ARHGEF12: variants seen among roughly 807,000 people sequenced by gnomAD.
The protein encoded by ARHGEF12 is Rho guanine nucleotide exchange factor 12.
Under a neutral mutation model 211.2 loss-of-function variants are expected in ARHGEF12, and 66 were observed. The ratio of observed to expected loss-of-function variants is 0.31; its 90% CI spans 0.26 to 0.38. ARHGEF12 has a LOEUF of 0.38. Ranked by LOEUF, ARHGEF12 falls within the 10% of genes least tolerant of loss-of-function variation. The probability of loss-of-function intolerance (pLI) is 1.00; values close to 1 mark genes in which losing one functional copy is unlikely to be tolerated. For synonymous variants in ARHGEF12, 592 were observed against 638.4 expected, an observed-to-expected ratio of 0.93 and a Z score of 1.09; for missense variants, 1,429 against 1,869.5, an observed-to-expected ratio of 0.76 and a Z score of 4.34.
chr11:120,447,852 ATTTT>A lies in ARHGEF12; in HGVS notation c.1590-16_1590-13del, dbSNP rs772005490. 2 of 1,500,704 alleles carry A rather than the reference ATTTT, an allele frequency of 1.3e-6. No homozygotes were observed. The highest frequency in any genetic ancestry group is 1.8e-6 in the Non-Finnish European group (2 of 1,110,080). 93.0% of individuals were successfully genotyped at this position (1,500,704 alleles called of 1,614,324 possible). On this transcript the variant is annotated intron_variant, in intron 18 of 40. Transcript: ENST00000397843. ...TTAAACTTCCATATTTCATTTTTAAATTTTTTTTTCTTTTTTTTAAGGATGACTG... is the reference window on the plus strand; with the variant it reads ...TTAAACTTCCATATTTCATTTTTAAATTTTTCTTTTTTTTAAGGATGACTG...
chr11:120,384,486 T>C (rs1393593179), intron 1 of ARHGEF12, among the ~76,000 whole-genome samples: 1 of 152,250 alleles, frequency 6.6e-6, no homozygotes, highest in Non-Finnish European at 1.5e-5. Context: ...AAGTAGAGGC[T>C]GAGTCTTCTT....
chr11:120,481,463 G>A lies in ARHGEF12; in HGVS notation c.4441G>A (p.Gly1481Arg), dbSNP rs761403386. The change falls in exon 39 of 41, where the codon GGA becomes AGA. Residue 1481 changes from glycine (G) to arginine (R), a missense_variant. By Grantham distance (125) the Gly-to-Arg change is moderately radical. Coordinates refer to ENST00000397843, the MANE Select transcript of ARHGEF12 (RefSeq NM_015313.3). ...CGAATTTCTGGTCCAGCAGCGCTGG[G>A]GAGCTATGGAGTATTCCTGTTTTGA... ...TPEFLVQQRW[G>R]AMEYSCFEIQ... The A allele has an allele frequency of 3.1e-6, 5 of 1,614,200 alleles. No homozygotes were observed. The highest frequency in any genetic ancestry group is 4.2e-6 in the Non-Finnish European group (5 of 1,180,044).
intron 1 of ARHGEF12, among the ~76,000 whole-genome samples, chr11:120,395,465 A>C (rs528804620): frequency 2.6e-5 from 4 of 152,332 alleles, no homozygotes; most frequent in African/African-American, 9.6e-5. Flanking sequence ...CTTAATATAG[A>C]TACAGATATA....
intron 1 of ARHGEF12, among the ~76,000 whole-genome samples, chr11:120,396,320 G>A (rs1371316179): frequency 1.3e-5 from 2 of 152,188 alleles, no homozygotes; most frequent in South Asian, 4.1e-4. Context: ...CCTATTCCCA[G>A]GAGATGGAGC....
chr11:120,417,811 A>C (rs948999555), intron 4 of ARHGEF12, among the ~76,000 whole-genome samples: 1 of 152,164 alleles, frequency 6.6e-6, no homozygotes, highest in African/African-American at 2.4e-5. Context: ...CTCTGATTCT[A>C]TTTATTATAT....
At position 120,433,799 on chromosome 11, in the gene ARHGEF12, C is replaced by CA. The variant is rs200521895; in HGVS notation, c.924+1897dup. ...TGAAACCCCGTCTCTACTAAAAATA[C>CA]AAAAAAAAATTAACTGGGTGTGGTG... On this transcript the variant is annotated intron_variant, in intron 11 of 40. Transcript: ENST00000397843. 2.9e-4 allele frequency among the ~76,000 whole-genome samples: 44 copies of CA among 151,172 alleles called. No homozygotes were observed. In the East Asian group the frequency reaches 6.4e-3, roughly 22 times the overall value.
At chr11:120,355,115 A>G (rs903713541) in intron 1 of ARHGEF12, among the ~76,000 whole-genome samples, 2 of 152,238 alleles carry the variant, frequency 1.3e-5, no homozygotes, top group East Asian at 3.8e-4. Context: ...ATCTTTGAGC[A>G]TTGATGAAGT....
At chr11:120,345,237 A>T (rs1193376106) in intron 1 of ARHGEF12, among the ~76,000 whole-genome samples, 1 of 152,218 alleles carries the variant, frequency 6.6e-6, no homozygotes, top group African/African-American at 2.4e-5. Context: ...AGAACCCATG[A>T]CTGTATTCTC....
chr11:120,463,008 A>G (rs541896249), intron 27 of ARHGEF12: 1 of 152,350 alleles, frequency 6.6e-6, no homozygotes, highest in East Asian at 1.9e-4. Context: ...CACAGGGTAA[A>G]CAACCACTCT....
At chr11:120,409,592 C>A in intron 4 of ARHGEF12, 142 bp downstream of exon 4, 1 of 784,046 alleles carries the variant, frequency 1.3e-6, no homozygotes, top group Non-Finnish European at 2.0e-6. Context: ...TGATCTACTG[C>A]AGGGAAAGGG....
rs899692853 is a variant in ARHGEF12 at position 120,454,799 on chromosome 11, A to G, written c.2057-2319A>G. ...TAGAGATACTTGAGTGTTCCATGAA[A>G]TGGTAGCTGGCTTTTCCCGAGTATC... On this transcript the variant is annotated intron_variant, in intron 22 of 40. Coordinates refer to ENST00000397843, the MANE Select transcript of ARHGEF12 (RefSeq NM_015313.3). 3.9e-5 allele frequency among the ~76,000 whole-genome samples: 6 copies of G among 152,230 alleles called. No individual in the cohort carries two copies. In the East Asian group the frequency reaches 7.7e-4, roughly 20 times the overall value.
chr11:120,365,237 C>A (rs1296729534), intron 1 of ARHGEF12, among the ~76,000 whole-genome samples: 2 of 151,896 alleles, frequency 1.3e-5, no homozygotes, highest in African/African-American at 4.8e-5. Flanking sequence ...TTAAGTGAAA[C>A]CTCTGTTTAG....
intron 40 of ARHGEF12, among the ~76,000 whole-genome samples, chr11:120,484,746 T>C (rs1471851902): frequency 6.6e-6 from 1 of 152,194 alleles, no homozygotes; most frequent in Non-Finnish European, 1.5e-5. Context: ...TCTTTTCACC[T>C]TTTCAAAGCA....
At position 120,446,416 on chromosome 11, in the gene ARHGEF12, T is replaced by G; in HGVS notation, c.1359T>G (p.Pro453=). ...EMSADLEKRR[P]ELIPEDLHRH... is the part of the protein sequence containing the mutation. ...TCATTTATGAAGAAAAGAGAAGACC[T>G]GAGCTCATTCCTGAGGATCTGCATC... Residue 453 remains proline, a synonymous_variant, in exon 17 of 41, where the codon CCT becomes CCG. Coordinates refer to ENST00000397843, the MANE Select transcript of ARHGEF12 (RefSeq NM_015313.3). 1.9e-6 allele frequency: 3 copies of G among 1,612,504 alleles called. No individual in the cohort carries two copies. The highest frequency in any genetic ancestry group is 2.5e-6 in the Non-Finnish European group (3 of 1,179,286).
chr11:120,430,893 T>A (rs1280286377), intron 10 of ARHGEF12, among the ~76,000 whole-genome samples: 1 of 152,166 alleles, frequency 6.6e-6, no homozygotes, highest in Non-Finnish European at 1.5e-5. Context: ...TCAGTCCCAG[T>A]AGCGATGTCA....
At chr11:120,444,432 A>G (rs973356787) in intron 15 of ARHGEF12, among the ~76,000 whole-genome samples, 1 of 152,214 alleles carries the variant, frequency 6.6e-6, no homozygotes, top group African/African-American at 2.4e-5. Context: ...ACCATCATAC[A>G]GAAATGAGCT....
intron 26 of ARHGEF12, 53 bp from the exon 27 acceptor site, chr11:120,460,619 A>G (rs1946498299): frequency 6.7e-7 from 1 of 1,502,658 alleles, no homozygotes; most frequent in Non-Finnish European, 9.2e-7. Context: ...ACTACCAGTA[A>G]TTCTGTCTAC....
At chr11:120,350,651 TTTTTA>T (rs908148151) in intron 1 of ARHGEF12, among the ~76,000 whole-genome samples, 8 of 152,212 alleles carry the variant, frequency 5.3e-5, no homozygotes, top group Non-Finnish European at 8.8e-5. Context: ...TATGTTTTCC[TTTTTA>T]TTTTATTTTT....
chr11:120,453,824 T>C (rs1946282191), intron 22 of ARHGEF12, among the ~76,000 whole-genome samples: 1 of 152,200 alleles, frequency 6.6e-6, no homozygotes, highest in Non-Finnish European at 1.5e-5. Flanking sequence ...ATTGGAACCC[T>C]GGAGAGACTT....
Sources: gnomAD v4.1 joint callset for allele counts (sites outside exome capture counted in the v4.1 genomes callset) on GRCh38, gnomAD v4.1.1 for gene constraint, MANE v1.5 for transcripts, NCBI Gene and HGNC (gene_info 2026-07-23, HGNC 2026-07-21) for gene names.